The following PLXNB2 variants were observed in gnomAD, a reference collection of about 807,000 sequenced individuals.
PLXNB2 encodes the protein plexin-B2.
PLXNB2 carries 85 observed loss-of-function variants against 202.6 expected under a neutral mutation model. The ratio of observed to expected loss-of-function variants is 0.42; its 90% CI spans 0.35 to 0.50. The LOEUF is 0.50. Ranked by LOEUF, PLXNB2 falls within the 20% of genes least tolerant of loss-of-function variation. The pLI is 0.02. For synonymous variants in PLXNB2, 1,239 were observed against 1,137.6 expected, an observed-to-expected ratio of 1.09 and a Z score of -1.79; for missense variants, 2,063 against 2,586.2, an observed-to-expected ratio of 0.80 and a Z score of 4.39.
In PLXNB2 at chr22:50,287,239, G is replaced by T; in HGVS notation, c.1634C>A (p.Pro545His). Residue 545 changes from proline (P) to histidine (H), a missense_variant, in exon 8 of 37, where the codon CCT becomes CAT. Physicochemically the swap from Pro to His is moderately conservative, Grantham distance 77 (BLOSUM62 -2). This residue lies in a region of PLXNB2 where 1,303 missense variants were observed against 1,476.8 expected (regional missense o/e 0.88). Coordinates refer to ENST00000359337, the MANE Select transcript of PLXNB2 (RefSeq NM_012401.4). Reference sequence around the variant, plus strand: ...CAACTCGTCCTCCTCGCTCAGGGCAGGGAGGGGGCTGACGGTCAGCTGCAC... The same window carrying T: ...CAACTCGTCCTCCTCGCTCAGGGCATGGAGGGGGCTGACGGTCAGCTGCAC... ...GEVQLTVSPL[P>H]ALSEEDELLC... The T allele has an allele frequency of 1.3e-6, 2 of 1,538,964 alleles. No homozygotes were observed. The highest frequency in any genetic ancestry group is 2.4e-5 in the East Asian group (1 of 40,950).
rs1179096608 is a variant in PLXNB2, at chr22:50,284,010, C to A, written c.2264-20G>T. On this transcript the variant is annotated intron_variant, in intron 13 of 36. Coordinates refer to ENST00000359337, the MANE Select transcript of PLXNB2 (RefSeq NM_012401.4). This position sits in a 1 kb window ranked among gnomAD's most constrained non-coding sequence, Gnocchi z 8.0. ...GGGTCACTGCGGGGAGAGCTGCCGT[C>A]AGTGGTCACCCCGTGCCTGCCCGCC... The A allele has an allele frequency of 1.3e-6, 2 of 1,531,690 alleles. No homozygotes were observed. Among genetic ancestry groups the A allele is most frequent in the Non-Finnish European group, 1.7e-6 (2 of 1,142,986 alleles). 94.9% of individuals were successfully genotyped at this position (1,531,690 alleles called of 1,614,324 possible).
At position 50,275,039 on chromosome 22, in the gene PLXNB2, G is replaced by T. The variant is rs990987783; in HGVS notation, c.*665C>A. On this transcript the variant is annotated 3_prime_UTR_variant, in exon 37 of 37. Coordinates refer to ENST00000359337, the MANE Select transcript of PLXNB2 (RefSeq NM_012401.4). ...AACAAGATTTACAAAAAGGGGTGGG[G>T]TGGTCTTGGAACTGCTCCCAGTCCC... 1 of 171,584 alleles carries T rather than the reference G, an allele frequency of 5.8e-6. No homozygotes were observed. Among genetic ancestry groups the T allele is most frequent in the African/African-American group, 2.4e-5 (1 of 41,244 alleles). 10.6% of individuals were successfully genotyped at this position (171,584 alleles called of 1,614,324 possible).
intron 1 of PLXNB2, chr22:50,301,339 G>C (rs1320012344): frequency 1.0e-6 from 1 of 964,458 alleles, no homozygotes; most frequent in Non-Finnish European, 1.2e-6. Flanking sequence ...GCAGCGCAAT[G>C]AACCTACCGA....
At chr22:50,301,113 G>C (rs1047506126) in intron 1 of PLXNB2, among the ~76,000 whole-genome samples, 1 of 152,156 alleles carries the variant, frequency 6.6e-6, no homozygotes, top group African/African-American at 2.4e-5. Context: ...CTCTGGCCAC[G>C]GCCCACTGGC....
chr22:50,280,073 TG>T lies in PLXNB2; in HGVS notation c.4176-3del. ...ATCCTCTCCACCACAGTCTCAGACCTGGGGGTGCAGGGAGGCCTTGTACCGA... is the reference window on the plus strand; with the variant it reads ...ATCCTCTCCACCACAGTCTCAGACCTGGGGTGCAGGGAGGCCTTGTACCGA... On this transcript the variant is annotated splice_region_variant and splice_polypyrimidine_tract_variant and intron_variant, in intron 25 of 36. Coordinates refer to ENST00000359337, the MANE Select transcript of PLXNB2 (RefSeq NM_012401.4). 1 of 1,603,576 alleles carries T rather than the reference TG, an allele frequency of 6.2e-7. No homozygotes were observed. Among genetic ancestry groups the T allele is most frequent in the Non-Finnish European group, 8.5e-7 (1 of 1,175,112 alleles).
intron 1 of PLXNB2, among the ~76,000 whole-genome samples, chr22:50,298,773 G>A (rs997017236): frequency 1.1e-4 from 16 of 152,212 alleles, no homozygotes; most frequent in African/African-American, 3.9e-4. Context: ...AGCCTCTCCA[G>A]TAGCTGGGAC....
intron 2 of PLXNB2, among the ~76,000 whole-genome samples, chr22:50,293,885 A>T (rs1423111261): frequency 6.6e-6 from 1 of 152,104 alleles, no homozygotes; most frequent in Non-Finnish European, 1.5e-5. Context: ...CTCAATAAAC[A>T]CCACCGTGTG....
At chr22:50,306,681 CCACCCTCACCCT>C (rs373798870) in intron 1 of PLXNB2, among the ~76,000 whole-genome samples, 14,958 of 145,474 alleles carry the variant, frequency 0.1, 887 homozygotes, top group African/African-American at 0.17. Flanking sequence ...GGTTTGGGGC[CCACCCTCACCCT>C]CACCCTCACC....
At position 50,280,678 on chromosome 22, in the gene PLXNB2, G is replaced by A; in HGVS notation, c.3994-8C>T. The A allele has an allele frequency of 1.2e-6, 2 of 1,609,808 alleles. No individual in the cohort carries two copies. Among genetic ancestry groups the A allele is most frequent in the Non-Finnish European group, 1.7e-6 (2 of 1,178,226 alleles). On this transcript the variant is annotated splice_region_variant and splice_polypyrimidine_tract_variant and intron_variant, in intron 24 of 36. Coordinates refer to ENST00000359337, the MANE Select transcript of PLXNB2 (RefSeq NM_012401.4). Reference sequence around the variant, plus strand: ...CTCCAGGGTGTGGATGAACTGTAGGGGCCGGCGGTCAAAGCCTGCCCGGCG... The same window carrying A: ...CTCCAGGGTGTGGATGAACTGTAGGAGCCGGCGGTCAAAGCCTGCCCGGCG...
Position 50,280,839 on chromosome 22 carries a change from C to G in PLXNB2, c.3898G>C (p.Gly1300Arg). 6.2e-7 allele frequency: 1 copy of G among 1,613,398 alleles called. No homozygotes were observed. Among genetic ancestry groups the G allele is most frequent in the Non-Finnish European group, 8.5e-7 (1 of 1,179,952 alleles). The change falls in exon 24 of 37, where the codon GGC (glycine) becomes CGC (arginine). Residue 1300 changes from glycine to arginine, a missense_variant. Physicochemically the swap from Gly to Arg is moderately radical, Grantham distance 125. This residue lies in a region of PLXNB2 where 760 missense variants were observed against 1,109.4 expected (regional missense o/e 0.69). Transcript: ENST00000359337. ...CGCGGCTCAGGGATGTCCAGCTTGC[C>G]GGTGATCATCACGTCCTTGTCGCCG... ...KDGDKDVMIT[G>R]KLDIPEPRRP...
chr22:50,276,012 C>G (rs377049625), intron 35 of PLXNB2, 49 bp from the exon 36 acceptor site: 7 of 1,549,258 alleles, frequency 4.5e-6, no homozygotes, highest in Non-Finnish European at 6.2e-6. Context: ...GTGGGAGCCC[C>G]AGGGCTGGCA....
chr22:50,298,506 G>C (rs542595056), intron 1 of PLXNB2, among the ~76,000 whole-genome samples: 1 of 152,246 alleles, frequency 6.6e-6, no homozygotes, highest in Non-Finnish European at 1.5e-5. Flanking sequence ...GGCCAAGAGT[G>C]GGGGCTGCCA....
At position 50,282,087 on chromosome 22, in the gene PLXNB2, G is replaced by C. The variant is rs780036568; in HGVS notation, c.3118-6C>G. On this transcript the variant is annotated splice_region_variant and splice_polypyrimidine_tract_variant and intron_variant, in intron 19 of 36. Coordinates refer to ENST00000359337, the MANE Select transcript of PLXNB2 (RefSeq NM_012401.4). The stretch of plus-strand genomic sequence containing the variant: ...ACGTAGTCTGTACCCACCACCTGCA[G>C]GCAAGTCCCAGCTGTCAGCCCCCGG... 6.2e-7 allele frequency: 1 copy of C among 1,609,186 alleles called. No homozygotes were observed. The highest frequency in any genetic ancestry group is 1.3e-5 in the African/African-American group (1 of 74,890).
At position 50,297,916 on chromosome 22, in the gene PLXNB2, C is replaced by T. The variant is rs942615979; in HGVS notation, c.-73-3138G>A. On this transcript the variant is annotated intron_variant, in intron 1 of 36. Coordinates refer to ENST00000359337, the MANE Select transcript of PLXNB2 (RefSeq NM_012401.4). This position sits in a 1 kb window ranked among gnomAD's most constrained non-coding sequence, Gnocchi z 5.3. ...TTTACAGCTGTGCCCACTCAGAGAA[C>T]GCTGCCTCACGACATTCCCACGTCC... Among the ~76,000 whole-genome samples the T allele has an allele frequency of 8.5e-5, 13 of 152,194 alleles. No homozygotes were observed. The highest frequency in any genetic ancestry group is 2.1e-4 in the South Asian group (1 of 4,828).
chr22:50,295,306 C>CAA (rs760999233), intron 1 of PLXNB2, among the ~76,000 whole-genome samples: 22 of 84,740 alleles, frequency 2.6e-4, no homozygotes, highest in Admixed American at 6.7e-4. Context: ...GACTTCGTCT[C>CAA]AAAAAAAAAA....
chr22:50,280,196 A>C, intron 25 of PLXNB2, 125 bp from the exon 26 acceptor site: 1 of 738,294 alleles, frequency 1.4e-6, no homozygotes, highest in Non-Finnish European at 2.2e-6. Flanking sequence ...TGTGGCCTGC[A>C]GCGAGGACTA....
In PLXNB2 at chr22:50,288,823, C is replaced by T; in HGVS notation, c.1300G>A (p.Val434Met). The change falls in exon 5 of 37, where the codon GTG (valine) becomes ATG (methionine). Residue 434 changes from valine (V) to methionine (M), a missense_variant. Coordinates refer to ENST00000359337, the MANE Select transcript of PLXNB2 (RefSeq NM_012401.4). The surrounding 1 kb of genome is among the most constrained non-coding windows in gnomAD (Gnocchi z 5.0). ...CGCTTGACTCTCTTGTTTATCTCCA[C>T]AAGGATAGAGTCGTACTCTGAGGAG... ...GTSSEYDSIL[V>M]EINKRVKRDL... The T allele has an allele frequency of 6.2e-7, 1 of 1,613,418 alleles. No homozygotes were observed. The highest frequency in any genetic ancestry group is 8.5e-7 in the Non-Finnish European group (1 of 1,179,980).
rs545312113 is a variant in PLXNB2, at chr22:50,284,842, C to A, written c.2089-177G>T. On this transcript the variant is annotated intron_variant, in intron 11 of 36. Coordinates refer to ENST00000359337, the MANE Select transcript of PLXNB2 (RefSeq NM_012401.4). The surrounding 1 kb of genome is among the most constrained non-coding windows in gnomAD (Gnocchi z 8.0). ...CCCCTCGGCCACTCCTGAGCCCAAA[C>A]ACCTGTGTCTGCAGAAGCCTCTGAA... is the stretch of plus-strand genomic sequence containing the variant. 1.4e-4 allele frequency: 100 copies of A among 738,864 alleles called. 3 individuals are homozygous for A. In the South Asian group the frequency reaches 1.4e-3, roughly 10 times the overall value. 45.8% of individuals were successfully genotyped at this position (738,864 alleles called of 1,614,324 possible).
rs2065517394 is a variant in PLXNB2, at chr22:50,275,884, C to T, written c.5412+5G>A. On this transcript the variant is annotated splice_donor_5th_base_variant and intron_variant, in intron 36 of 36. Coordinates refer to ENST00000359337, the MANE Select transcript of PLXNB2 (RefSeq NM_012401.4). ...CTGCCCCCGCCCCCGGGGGCCTGACCCTACCTCGTCATAGTACTTCTGCGT... is the reference window on the plus strand; with the variant it reads ...CTGCCCCCGCCCCCGGGGGCCTGACTCTACCTCGTCATAGTACTTCTGCGT... 1 of 1,612,388 alleles carries T rather than the reference C, an allele frequency of 6.2e-7. No homozygotes were observed. The highest frequency in any genetic ancestry group is 8.5e-7 in the Non-Finnish European group (1 of 1,179,790).
Sources: gnomAD v4.1 joint callset for allele counts (sites outside exome capture counted in the v4.1 genomes callset) on GRCh38, gnomAD v4.1.1 for gene constraint, gnomAD v4.1.1 regional missense constraint, Gnocchi (gnomAD v3.1) non-coding constraint, MANE v1.5 for transcripts, NCBI Gene and HGNC (gene_info 2026-07-23, HGNC 2026-07-21) for gene names.